Variants in ADRA1B observed in about 807,000 individuals in gnomAD.
ADRA1B encodes alpha-1B adrenergic receptor.
A neutral mutation model predicts 17.9 loss-of-function variants in ADRA1B; 17 were observed. The ratio of observed to expected loss-of-function variants is 0.95; its 90% CI spans 0.65 to 1.42. The LOEUF is 1.42. Ranked by LOEUF, ADRA1B falls within the 40% of genes most tolerant of loss-of-function variation. ADRA1B has a pLI of 0.00. For synonymous variants in ADRA1B, 366 were observed against 327.6 expected (o/e 1.12, Z -1.27); for missense variants, 681 against 722.1 (o/e 0.94, Z 0.65).
the ADRA1B span, among the ~76,000 whole-genome samples, chr5:159,978,889 G>A: frequency 2.6e-5 from 4 of 152,240 alleles, no homozygotes; most frequent in Non-Finnish European, 4.4e-5. Context: ...CACCCGTACA[G>A]TACTTCATGC....
chr5:159,935,461 A>C (rs1754927873), intron 1 of ADRA1B, among the ~76,000 whole-genome samples: 1 of 152,198 alleles, frequency 6.6e-6, no homozygotes, highest in South Asian at 2.1e-4. Flanking sequence ...TATATATAAA[A>C]GGCGCCCCAC....
Position 159,917,445 on chromosome 5 carries a change from T to A in ADRA1B, c.540T>A (p.Pro180=). ...TGTCCACCGTCATCTCCATCGGGCC[T>A]CTCCTTGGGTGGAAGGAGCCGGCAC... ...WVLSTVISIG[P]LLGWKEPAPN... The change falls in exon 1 of 2, where the codon CCT becomes CCA. Residue 180 remains proline, a synonymous_variant. Coordinates refer to ENST00000306675, the MANE Select transcript of ADRA1B (RefSeq NM_000679.4). 1 of 1,614,072 alleles carries A rather than the reference T, an allele frequency of 6.2e-7. No individual in the cohort carries two copies. Among genetic ancestry groups the A allele is most frequent in the Non-Finnish European group, 8.5e-7 (1 of 1,180,010 alleles).
intron 1 of ADRA1B, among the ~76,000 whole-genome samples, chr5:159,962,357 C>T (rs1440323572): frequency 1.3e-5 from 2 of 152,022 alleles, no homozygotes; most frequent in East Asian, 3.9e-4. Context: ...TTCTCAGGGA[C>T]CTCAGACTGG....
At chr5:159,963,804 G>A (rs1755722936) in intron 1 of ADRA1B, among the ~76,000 whole-genome samples, 1 of 152,154 alleles carries the variant, frequency 6.6e-6, no homozygotes, top group Non-Finnish European at 1.5e-5. Flanking sequence ...AGGATGACCT[G>A]CTGGGGCCAT....
intron 1 of ADRA1B, among the ~76,000 whole-genome samples, chr5:159,941,767 G>A (rs572849078): frequency 6.6e-6 from 1 of 152,112 alleles, no homozygotes; most frequent in Non-Finnish European, 1.5e-5. Context: ...CTAAGGGAAA[G>A]AAGCCAAACA....
chr5:159,909,875 A>T (rs1026434044), intron 1 of ADRA1B, among the ~76,000 whole-genome samples: 3 of 152,256 alleles, frequency 2.0e-5, no homozygotes, highest in Non-Finnish European at 4.4e-5. Flanking sequence ...CTTGGCACTT[A>T]GGAAGCCCCT....
chr5:159,960,076 G>A (rs973603134), intron 1 of ADRA1B, among the ~76,000 whole-genome samples: 4 of 152,198 alleles, frequency 2.6e-5, no homozygotes, highest in Non-Finnish European at 4.4e-5. Context: ...TGCCTATTGT[G>A]AAGATGAAAA....
At chr5:159,873,778 C>G (rs1025100786) in intron 1 of ADRA1B, among the ~76,000 whole-genome samples, 5 of 152,044 alleles carry the variant, frequency 3.3e-5, no homozygotes, top group African/African-American at 4.8e-5. Flanking sequence ...AGGCCTGTCC[C>G]CAGTGGAATT....
chr5:159,933,605 G>A (rs533419355), intron 1 of ADRA1B, among the ~76,000 whole-genome samples: 9 of 152,342 alleles, frequency 5.9e-5, no homozygotes, highest in African/African-American at 2.2e-4. Flanking sequence ...TTCAGGGCTA[G>A]CTAGCTGCCC....
In ADRA1B at chr5:159,905,629, A is replaced by G. The variant is rs149186613; in HGVS notation, c.-255-10490A>G. 3.9e-3 allele frequency among the ~76,000 whole-genome samples: 595 copies of G among 152,324 alleles called. 3 individuals carry two copies. Among genetic ancestry groups the G allele is most frequent in the African/African-American group, 0.014 (570 of 41,572 alleles). On this transcript the variant is annotated intron_variant, in intron 1 of 2. Transcript: ENST00000641205. The stretch of plus-strand genomic sequence containing the variant: ...CTCTCATTGAGCCTGAAGCCTAGGG[A>G]GAGAGACAGAGTGTGATCAAAGAGT...
intron 1 of ADRA1B, among the ~76,000 whole-genome samples, chr5:159,902,818 T>C (rs75834579): frequency 0.032 from 4,845 of 152,354 alleles, 86 homozygotes; most frequent in Middle Eastern, 0.071. Flanking sequence ...TTAAGCAGTG[T>C]GTGCAGTGGA....
At chr5:159,904,365 C>A (rs1350235615) in intron 1 of ADRA1B, among the ~76,000 whole-genome samples, 2 of 152,192 alleles carry the variant, frequency 1.3e-5, no homozygotes, top group Admixed American at 1.3e-4. Flanking sequence ...GAAGGCACAG[C>A]ACATGAAAAA....
At chr5:159,947,710 T>C in intron 1 of ADRA1B, 1 of 985,444 alleles carries the variant, frequency 1.0e-6, no homozygotes, top group Non-Finnish European at 1.2e-6. Context: ...CTCTTTAAGC[T>C]TGAAGACGTT....
At position 159,917,855 on chromosome 5, in the gene ADRA1B, G is replaced by A; in HGVS notation, c.949+1G>A. ...CCCTTCTTCATCGCTCTACCGCTTGGTAAGTTGGGGACTAGCAGCAGGGGG... is the reference window on the plus strand; with the variant it reads ...CCCTTCTTCATCGCTCTACCGCTTGATAAGTTGGGGACTAGCAGCAGGGGG... On this transcript the variant is annotated splice_donor_variant, in intron 1 of 1. Coordinates refer to ENST00000306675, the MANE Select transcript of ADRA1B (RefSeq NM_000679.4). LOFTEE classifies it high-confidence loss of function. 1 of 1,595,224 alleles carries A rather than the reference G, an allele frequency of 6.3e-7. No homozygotes were observed. The highest frequency in any genetic ancestry group is 1.1e-5 in the South Asian group (1 of 87,412).
chr5:159,971,708 A>AT (rs936542860), intron 1 of ADRA1B, among the ~76,000 whole-genome samples, 171 bp from the exon 2 acceptor site: 2 of 152,212 alleles, frequency 1.3e-5, no homozygotes, highest in African/African-American at 2.4e-5. Context: ...GGATTCATTG[A>AT]TTTTGAAATG....
intron 1 of ADRA1B, among the ~76,000 whole-genome samples, chr5:159,882,964 T>C (rs1262313829): frequency 2.0e-5 from 3 of 152,146 alleles, no homozygotes; most frequent in Non-Finnish European, 4.4e-5. Flanking sequence ...CTTCCCAAGA[T>C]TCAAGGTCCT....
At chr5:159,926,571 T>G (rs1244246387) in intron 1 of ADRA1B, among the ~76,000 whole-genome samples, 2 of 152,142 alleles carry the variant, frequency 1.3e-5, no homozygotes, top group Non-Finnish European at 2.9e-5. Flanking sequence ...AGATAGGTAT[T>G]CATGCTCTGC....
At chr5:159,957,752 A>C (rs538514627) in intron 1 of ADRA1B, among the ~76,000 whole-genome samples, 1 of 151,756 alleles carries the variant, frequency 6.6e-6, no homozygotes, top group East Asian at 2.0e-4. Context: ...CCTGGTCAAC[A>C]TGATGAAACC....
intron 1 of ADRA1B, among the ~76,000 whole-genome samples, chr5:159,923,561 G>C (rs1238733226): frequency 6.6e-6 from 1 of 152,374 alleles, no homozygotes; most frequent in Non-Finnish European, 1.5e-5. Context: ...GAGTGGGAAG[G>C]GGGAGCCTGA....
Sources: gnomAD v4.1 joint callset for allele counts (sites outside exome capture counted in the v4.1 genomes callset) on GRCh38, gnomAD v4.1.1 for gene constraint, MANE v1.5 for transcripts, NCBI Gene and HGNC (gene_info 2026-07-23, HGNC 2026-07-21) for gene names.